The following LRRC9 variants were observed in gnomAD, a reference collection of about 807,000 sequenced individuals.
The protein encoded by LRRC9 is leucine rich repeat containing 9, also known as leucine-rich repeat-containing protein 9.
Under a neutral mutation model 63.2 loss-of-function variants are expected in LRRC9, and 122 were observed. The observed-to-expected ratio is 1.93, with a 90% CI of 1.67 to 2.24. The LOEUF is 2.24. Among genes scored for constraint, LRRC9 ranks in the 30% most tolerant of loss-of-function variants. The pLI is 0.00. For synonymous variants in LRRC9, 366 were observed against 213.1 expected (o/e 1.72, Z -6.25); for missense variants, 1,071 against 627.7 (o/e 1.71, Z -7.55).
intron 1 of LRRC9, among the ~76,000 whole-genome samples, chr14:59,926,698 A>G (rs1404148957): frequency 6.6e-6 from 1 of 152,128 alleles, no homozygotes; most frequent in Non-Finnish European, 1.5e-5. Context: ...ATTGAGTCAT[A>G]CTCATTATGA....
intron 6 of LRRC9, among the ~76,000 whole-genome samples, chr14:59,934,394 G>A (rs1889959928): frequency 6.6e-6 from 1 of 152,126 alleles, no homozygotes; most frequent in South Asian, 2.1e-4. Flanking sequence ...AATACCAGTG[G>A]GGCCATCCAG....
chr14:60,032,369 G>A (rs987307072), intron 29 of LRRC9, among the ~76,000 whole-genome samples: 1 of 151,988 alleles, frequency 6.6e-6, no homozygotes, highest in African/African-American at 2.4e-5. Flanking sequence ...GGTAGAATAA[G>A]CACCTTTAAT....
At chr14:59,957,372 A>C (rs1272875525) in intron 8 of LRRC9, among the ~76,000 whole-genome samples, 1 of 151,886 alleles carries the variant, frequency 6.6e-6, no homozygotes, top group Non-Finnish European at 1.5e-5. Context: ...TTATTTCAGT[A>C]AGTTGATCTT....
chr14:60,038,019 G>C (rs1892602083), intron 29 of LRRC9, among the ~76,000 whole-genome samples: 1 of 152,206 alleles, frequency 6.6e-6, no homozygotes, highest in African/African-American at 2.4e-5. Flanking sequence ...TTATTAAATA[G>C]GGAATCCTTT....
At chr14:59,997,276 T>C (rs57889089) in intron 17 of LRRC9, among the ~76,000 whole-genome samples, 1,642 of 152,228 alleles carry the variant, frequency 0.011, 33 homozygotes, top group African/African-American at 0.038. Context: ...AGTTTCTAAC[T>C]CTGAAGATGA....
rs557044095 is a variant in LRRC9, at chr14:60,051,873, G to A, written c.3991-1192G>A. Among the ~76,000 whole-genome samples, 5 of 152,308 alleles carry A rather than the reference G, an allele frequency of 3.3e-5. No homozygotes were observed. Among genetic ancestry groups the A allele is most frequent in the South Asian group, 2.1e-4 (1 of 4,830 alleles). On this transcript the variant is annotated intron_variant, in intron 29 of 31. Transcript: ENST00000445360. This position sits in a 1 kb window ranked among gnomAD's most constrained non-coding sequence, Gnocchi z 4.7. Reference sequence around the variant, plus strand: ...GGTTGCAAAGATTCATGGGAGAAGCGTGGTTTCCTGGGCACGATAGCACAC... The same window carrying A: ...GGTTGCAAAGATTCATGGGAGAAGCATGGTTTCCTGGGCACGATAGCACAC...
rs930741452 is a variant in LRRC9, at chr14:59,990,523, A to C, written c.2211+5299A>C. Among the ~76,000 whole-genome samples, 3 of 151,732 alleles carry C rather than the reference A, an allele frequency of 2.0e-5. No individual in the cohort carries two copies. The highest frequency in any genetic ancestry group is 4.4e-5 in the Non-Finnish European group (3 of 67,960). On this transcript the variant is annotated intron_variant, in intron 17 of 31. Coordinates refer to ENST00000445360, the Ensembl canonical transcript of LRRC9. This position sits in a 1 kb window ranked among gnomAD's most constrained non-coding sequence, Gnocchi z 4.2. ...TGGGCTCAAGTGATCCCCTTGCCTCAGCCTCCTGGGTAGCTGGAACTACAG... is the reference window on the plus strand; with the variant it reads ...TGGGCTCAAGTGATCCCCTTGCCTCCGCCTCCTGGGTAGCTGGAACTACAG...
At chr14:59,978,232 T>C (rs908537895) in intron 15 of LRRC9, 100 bp downstream of exon 15, 2 of 601,322 alleles carry the variant, frequency 3.3e-6, no homozygotes, top group Non-Finnish European at 3.0e-6. Flanking sequence ...GTTTATATTA[T>C]GTGCATGTGT....
chr14:59,968,221 T>C (rs1259153131), intron 12 of LRRC9, among the ~76,000 whole-genome samples: 17 of 152,034 alleles, frequency 1.1e-4, no homozygotes, highest in Admixed American at 1.1e-3. Context: ...GTACCTAGAA[T>C]AGGAAAATTC....
At chr14:60,040,707 T>A (rs889332689) in intron 29 of LRRC9, among the ~76,000 whole-genome samples, 8 of 151,938 alleles carry the variant, frequency 5.3e-5, no homozygotes, top group Middle Eastern at 3.2e-3. Context: ...TCTTAACTCT[T>A]TATCCAATTT....
At chr14:59,974,550 A>C (rs1331594464) in intron 12 of LRRC9, 26 bp from the exon 13 acceptor site, 1 of 602,778 alleles carries the variant, frequency 1.7e-6, no homozygotes, top group Non-Finnish European at 3.0e-6. Flanking sequence ...TTATAAAAAT[A>C]CTCAGACTTT....
At chr14:59,956,568 C>T (rs1483810504) in intron 8 of LRRC9, among the ~76,000 whole-genome samples, 2 of 152,112 alleles carry the variant, frequency 1.3e-5, no homozygotes, top group Non-Finnish European at 2.9e-5. Context: ...TACAGAACAG[C>T]AATGGGTCTT....
rs59655937 is a variant in LRRC9, at chr14:60,060,274, T to C, written c.4276+2252T>C. Among the ~76,000 whole-genome samples, 480 of 152,342 alleles carry C rather than the reference T, an allele frequency of 3.2e-3. 3 individuals are homozygous for C. The highest frequency in any genetic ancestry group is 0.011 in the African/African-American group (458 of 41,580). On this transcript the variant is annotated intron_variant, in intron 31 of 31. Transcript: ENST00000445360. This position sits in a 1 kb window ranked among gnomAD's most constrained non-coding sequence, Gnocchi z 4.0. Reference sequence around the variant, plus strand: ...AAACAGATTGCTTTCCAAAGACTACTGCTCACTGACAATGCACCTAGTCAC... The same window carrying C: ...AAACAGATTGCTTTCCAAAGACTACCGCTCACTGACAATGCACCTAGTCAC...
chr14:59,938,552 C>T lies in LRRC9; in HGVS notation c.706C>T (p.Gln236Ter). Residue 236 changes from glutamine (Q) to a stop codon, truncating the protein, a stop_gained, in exon 7 of 32, where the codon CAA (glutamine) becomes TAA (stop). Transcript: ENST00000445360. LOFTEE classifies it high-confidence loss of function. The surrounding 1 kb of genome is among the most constrained non-coding windows in gnomAD (Gnocchi z 4.2). Reference sequence around the variant, plus strand: ...TGACACATTGGATGTGTCAGCAAAGCAAATCAAGGAACTGGCAGATGTAAG... The same window carrying T: ...TGACACATTGGATGTGTCAGCAAAGTAAATCAAGGAACTGGCAGATGTAAG... 1.4e-6 allele frequency: 1 copy of T among 692,004 alleles called. No individual in the cohort carries two copies. Among genetic ancestry groups the T allele is most frequent in the South Asian group, 1.5e-5 (1 of 65,884 alleles). 42.9% of individuals were successfully genotyped at this position (692,004 alleles called of 1,614,324 possible).
chr14:60,011,591 T>C (rs113020963), intron 23 of LRRC9, among the ~76,000 whole-genome samples: 2,703 of 152,300 alleles, frequency 0.018, 53 homozygotes, highest in Non-Finnish European at 0.022. Context: ...ACTATTTGAT[T>C]ATATGTGTTT....
chr14:60,045,268 T>A (rs573119239), intron 29 of LRRC9, among the ~76,000 whole-genome samples: 67 of 152,100 alleles, frequency 4.4e-4, no homozygotes, highest in Middle Eastern at 3.4e-3. Flanking sequence ...TAAAAAAAAA[T>A]TTCAACTTTT....
chr14:59,932,024 A>C lies in LRRC9; in HGVS notation c.528A>C (p.Gln176His). The change falls in exon 6 of 32, where the codon CAA (glutamine) becomes CAC (histidine). Residue 176 changes from glutamine to histidine, a missense_variant. Gln to His is a conservative substitution (Grantham distance 24, BLOSUM62 0). Transcript: ENST00000445360. This position sits in a 1 kb window ranked among gnomAD's most constrained non-coding sequence, Gnocchi z 4.7. ...AAAGATTAAACCTTTCTGGTAACCA[A>C]ATATGTTCTTTCAAGGTATGTTTAA... is the stretch of plus-strand genomic sequence containing the variant. The C allele has an allele frequency of 1.4e-6, 1 of 700,130 alleles. No individual in the cohort carries two copies. Among genetic ancestry groups the C allele is most frequent in the Non-Finnish European group, 2.6e-6 (1 of 383,466 alleles). The allele number at this position is 700,130 out of a possible 1,614,324, so 43.4% of individuals were successfully genotyped here. A position where few individuals can be genotyped will look rare whatever the true frequency, so the allele number is the denominator to read the frequency against.
At chr14:59,944,624 G>C (rs1882145457) in exon 8 of LRRC9, 1 of 637,266 alleles carries the variant, frequency 1.6e-6, no homozygotes, top group Non-Finnish European at 2.8e-6. Flanking sequence ...ATTATAATAT[G>C]CGTATAAAAA....
At chr14:59,935,802 G>A (rs1890094810) in intron 6 of LRRC9, among the ~76,000 whole-genome samples, 1 of 152,222 alleles carries the variant, frequency 6.6e-6, no homozygotes, top group Admixed American at 6.5e-5. Flanking sequence ...TGGTTGAAAG[G>A]GGTATGGCAG....
Sources: allele counts gnomAD v4.1 joint callset (sites outside exome capture counted in the v4.1 genomes callset), GRCh38; gene constraint gnomAD v4.1.1; non-coding constraint Gnocchi (gnomAD v3.1); transcripts MANE v1.5; gene names NCBI Gene and HGNC (gene_info 2026-07-23, HGNC 2026-07-21).